Variants in ATG16L1 observed in about 807,000 individuals in gnomAD.
ATG16L1 encodes the protein autophagy related 16 like 1.
In ATG16L1, 37 loss-of-function variants were observed where a neutral mutation model predicts 88.5. The ratio of observed to expected loss-of-function variants is 0.42; its 90% CI spans 0.32 to 0.55. The LOEUF is 0.55. Among genes scored for constraint, ATG16L1 ranks in the 20% least tolerant of loss-of-function variants. The pLI is 0.13. For synonymous variants in ATG16L1, 301 were observed against 281.0 expected, an observed-to-expected ratio of 1.07 and a Z score of -0.71; for missense variants, 554 against 752.8, an observed-to-expected ratio of 0.74 and a Z score of 3.09.
intron 2 of ATG16L1, among the ~76,000 whole-genome samples, chr2:233,259,380 C>T (rs1697040261): frequency 6.6e-6 from 1 of 152,174 alleles, no homozygotes; most frequent in South Asian, 2.1e-4. Flanking sequence ...GGCATTCACA[C>T]AGGCCCAGTT....
At chr2:233,292,067 C>T (rs1472045422) in intron 14 of ATG16L1, 61 bp from the exon 15 acceptor site, 115 of 1,570,146 alleles carry the variant, frequency 7.3e-5, no homozygotes, top group Middle Eastern at 1.7e-4. Flanking sequence ...TTTTCCTCCA[C>T]GGCATGATGT....
chr2:233,283,743 G>T (rs1024345606), intron 12 of ATG16L1, among the ~76,000 whole-genome samples: 1 of 151,940 alleles, frequency 6.6e-6, no homozygotes. Context: ...CACCATGTTG[G>T]CCAGGCTGGT....
intron 6 of ATG16L1, among the ~76,000 whole-genome samples, chr2:233,271,847 A>G (rs1246052850): frequency 2.0e-5 from 3 of 152,218 alleles, no homozygotes; most frequent in Non-Finnish European, 4.4e-5. Flanking sequence ...TCCCTGGGAA[A>G]GCCAATCAAG....
At chr2:233,256,485 G>GT (rs1335543583) in intron 2 of ATG16L1, among the ~76,000 whole-genome samples, 1 of 152,068 alleles carries the variant, frequency 6.6e-6, no homozygotes, top group Non-Finnish European at 1.5e-5. Flanking sequence ...CAGGATTCAT[G>GT]TTTTTTTGTT....
rs1263099467 is a variant in ATG16L1 at position 233,275,307 on chromosome 2, A to C, written c.954+529A>C. On this transcript the variant is annotated intron_variant, in intron 9 of 17. Coordinates refer to ENST00000392017, the MANE Select transcript of ATG16L1 (RefSeq NM_030803.7). ...GTCCTAGTACTAGCAGGTAGTTTGC[A>C]TCCCAGCTGGGGTAGTTGAGCAGAA... is the stretch of plus-strand genomic sequence containing the variant. 2.3e-5 allele frequency: 5 copies of C among 220,100 alleles called. No homozygotes were observed. The South Asian group carries it at 3.6e-4, about 16-fold the overall frequency. The allele number at this position is 220,100 out of a possible 1,614,324, so 13.6% of individuals were successfully genotyped here.
intron 12 of ATG16L1, chr2:233,288,736 C>T (rs751229985): frequency 3.9e-6 from 2 of 517,662 alleles, no homozygotes. Flanking sequence ...TCCCAGTTAT[C>T]CCCAGCTGCC....
intron 12 of ATG16L1, among the ~76,000 whole-genome samples, chr2:233,286,251 C>T (rs924352213): frequency 2.6e-5 from 4 of 152,156 alleles, no homozygotes; most frequent in Non-Finnish European, 5.9e-5. Flanking sequence ...GGTCGGCACT[C>T]GTTATCTGCC....
intron 9 of ATG16L1, among the ~76,000 whole-genome samples, chr2:233,276,355 C>T (rs1698372645): frequency 6.6e-6 from 1 of 151,690 alleles, no homozygotes; most frequent in South Asian, 2.1e-4. Context: ...AGTATCTCTT[C>T]CCCCCCACAC....
In ATG16L1 at chr2:233,264,081, G is replaced by C. The variant is rs201983942; in HGVS notation, c.389+16G>C. The C allele has an allele frequency of 2.1e-4, 333 of 1,613,344 alleles. No homozygotes were observed. Among genetic ancestry groups the C allele is most frequent in the Non-Finnish European group, 1.9e-4 (221 of 1,179,522 alleles). The stretch of plus-strand genomic sequence containing the variant: ...ATGAAGCAAAGTGAGTAGAGACCCC[G>C]CCTCCTTGGAGCCTGGTCATTGGGT... On this transcript the variant is annotated intron_variant, in intron 4 of 17. Coordinates refer to ENST00000392017, the MANE Select transcript of ATG16L1 (RefSeq NM_030803.7).
intron 12 of ATG16L1, chr2:233,288,772 C>T (rs749122207): frequency 1.9e-6 from 1 of 519,088 alleles, no homozygotes; most frequent in African/African-American, 1.9e-5. Context: ...TTCAGAAGTG[C>T]TGCGATGGGC....
chr2:233,289,423 A>G (rs1307420923), intron 12 of ATG16L1, among the ~76,000 whole-genome samples: 8 of 66,900 alleles, frequency 1.2e-4, no homozygotes, highest in Admixed American at 2.7e-4. Context: ...GGATCTTGCT[A>G]TCACTCAGGT....
intron 12 of ATG16L1, among the ~76,000 whole-genome samples, chr2:233,284,623 C>T (rs1698955274): frequency 2.0e-5 from 3 of 152,212 alleles, no homozygotes; most frequent in African/African-American, 4.8e-5. Context: ...TGAGCCACTG[C>T]GCCTAGCCCA....
chr2:233,277,636 C>T lies in ATG16L1; in HGVS notation c.1023C>T (p.Gly341=). The T allele has an allele frequency of 6.2e-7, 1 of 1,614,020 alleles. No individual in the cohort carries two copies. The change falls in exon 10 of 18, where the codon GGC becomes GGT. Residue 341 remains glycine, a synonymous_variant. Coordinates refer to ENST00000392017, the MANE Select transcript of ATG16L1 (RefSeq NM_030803.7). ...SPGSRLLATG[G]MDRRVKLWEV... The stretch of plus-strand genomic sequence containing the variant: ...GTTCCCGGTTACTGGCCACTGGAGG[C>T]ATGGACCGCAGGGTTAAGCTTTGGG...
chr2:233,279,352 C>T (rs938517005), intron 10 of ATG16L1, among the ~76,000 whole-genome samples: 42 of 94,664 alleles, frequency 4.4e-4, no homozygotes, highest in Admixed American at 3.7e-3. Context: ...ATTCTAGTAA[C>T]CTTTTTGCGG....
rs781118009 is a variant in ATG16L1 at position 233,270,056 on chromosome 2, A to T, written c.696A>T (p.Leu232=). The T allele has an allele frequency of 6.3e-7, 1 of 1,589,858 alleles. No homozygotes were observed. Among genetic ancestry groups the T allele is most frequent in the Non-Finnish European group, 8.5e-7 (1 of 1,171,310 alleles). The change falls in exon 6 of 18, where the codon CTA becomes CTT. Residue 232 remains leucine, a synonymous_variant. Transcript: ENST00000392017. ...TTGCAGAAGCAGCAAAGGAACCTCT[A>T]CCAGTCGAACAGTAAGTAAAGATAA... is the stretch of plus-strand genomic sequence containing the variant. ...KELAEAAKEP[L]PVEQDDDIEV... is the part of the protein sequence containing the mutation.
At chr2:233,290,726 T>G (rs1450448793) in intron 14 of ATG16L1, among the ~76,000 whole-genome samples, 1 of 152,166 alleles carries the variant, frequency 6.6e-6, no homozygotes, top group South Asian at 2.1e-4. Context: ...CCTCTCCAGA[T>G]TTCTCCGGAG....
At chr2:233,260,610 G>A (rs1005650051) in intron 2 of ATG16L1, among the ~76,000 whole-genome samples, 7 of 152,302 alleles carry the variant, frequency 4.6e-5, no homozygotes, top group African/African-American at 1.4e-4. Context: ...TCTACTTGCC[G>A]AAGCACTTTA....
intron 1 of ATG16L1, among the ~76,000 whole-genome samples, chr2:233,253,025 G>T (rs1696491955): frequency 2.0e-5 from 3 of 152,052 alleles, no homozygotes; most frequent in Admixed American, 6.6e-5. Context: ...CAAATCCCAA[G>T]CCACACCCCA....
At chr2:233,289,406 T>TGAGAGAGA (rs1243638791) in intron 12 of ATG16L1, among the ~76,000 whole-genome samples, 13 of 126,972 alleles carry the variant, frequency 1.0e-4, no homozygotes, top group African/African-American at 4.7e-4. Context: ...TGTGTGTGTG[T>TGAGAGAGA]GTGACAGGAT....
Sources: allele counts gnomAD v4.1 joint callset (sites outside exome capture counted in the v4.1 genomes callset), GRCh38; gene constraint gnomAD v4.1.1; transcripts MANE v1.5; gene names NCBI Gene and HGNC (gene_info 2026-07-23, HGNC 2026-07-21).